TNRC6A: variants seen among roughly 807,000 people sequenced by gnomAD.
TNRC6A encodes the protein trinucleotide repeat-containing gene 6A protein.
In TNRC6A, 44 loss-of-function variants were observed where a neutral mutation model predicts 221.2. That is an observed-to-expected ratio of 0.20 (90% confidence interval 0.16 to 0.26). The LOEUF is 0.26. Among genes scored for constraint, TNRC6A ranks in the 10% least tolerant of loss-of-function variants. The pLI, the probability that TNRC6A is intolerant of heterozygous loss-of-function variation, is 1.00. For missense variants in TNRC6A, 2,199 were observed against 2,404.4 expected (o/e 0.91, Z 1.79); for synonymous variants, 847 against 838.5 (o/e 1.01, Z -0.18).
chr16:24,725,667 C>T (rs781021710), upstream of TNRC6A, among the ~76,000 whole-genome samples: 2 of 151,640 alleles, frequency 1.3e-5, no homozygotes, highest in African/African-American at 2.4e-5. Context: ...CTTCTGTGCA[C>T]TTGCCATAGT....
chr16:24,681,946 G>C (rs766854687), intron 2 of TNRC6A, among the ~76,000 whole-genome samples: 5 of 152,142 alleles, frequency 3.3e-5, no homozygotes, highest in Non-Finnish European at 5.9e-5. Context: ...TATTTAGCTT[G>C]TACTATATTA....
chr16:24,659,583 C>A (rs1044823085), intron 2 of TNRC6A, among the ~76,000 whole-genome samples: 1 of 152,184 alleles, frequency 6.6e-6, no homozygotes, highest in Non-Finnish European at 1.5e-5. Context: ...GCTGGAACTA[C>A]AGGTGTGCAC....
At chr16:24,770,540 AG>A (rs2057569089) in intron 4 of TNRC6A, among the ~76,000 whole-genome samples, 2 of 152,188 alleles carry the variant, frequency 1.3e-5, no homozygotes, top group South Asian at 4.1e-4. Context: ...GACTAGATAC[AG>A]GGGAGTAGGG....
chr16:24,763,629 A>T (rs112666488), intron 4 of TNRC6A, among the ~76,000 whole-genome samples: 1 of 152,232 alleles, frequency 6.6e-6, no homozygotes, highest in Non-Finnish European at 1.5e-5. Flanking sequence ...TCATAAAGTG[A>T]CATTATTTCC....
At chr16:24,740,266 A>T (rs573191815) in intron 2 of TNRC6A, among the ~76,000 whole-genome samples, 168 of 152,272 alleles carry the variant, frequency 1.1e-3, no homozygotes, top group Admixed American at 1.2e-3. Context: ...TTAAAAAAAA[A>T]TTTTTTTAAA....
At chr16:24,766,804 G>C (rs148762511) in intron 4 of TNRC6A, among the ~76,000 whole-genome samples, 5 of 151,306 alleles carry the variant, frequency 3.3e-5, no homozygotes, top group African/African-American at 1.2e-4. Context: ...AGCCTCCTGA[G>C]TAGCTGGGAT....
intron 6 of TNRC6A, among the ~76,000 whole-genome samples, chr16:24,792,785 A>ATTT (rs34453471): frequency 1.1e-4 from 13 of 120,426 alleles, no homozygotes; most frequent in African/African-American, 3.6e-4. Flanking sequence ...TTGTGGCACA[A>ATTT]TTTTTTTTTT....
chr16:24,648,171 G>C (rs1447281100), intron 2 of TNRC6A, among the ~76,000 whole-genome samples: 1 of 151,778 alleles, frequency 6.6e-6, no homozygotes, highest in Non-Finnish European at 1.5e-5. Flanking sequence ...GCATCTATTT[G>C]AGTTCCTGCT....
intron 22 of TNRC6A, among the ~76,000 whole-genome samples, chr16:24,821,002 C>G (rs988299905): frequency 6.6e-6 from 1 of 152,204 alleles, no homozygotes; most frequent in Non-Finnish European, 1.5e-5. Context: ...TTCCCATCTT[C>G]AAGCTGAAAA....
chr16:24,807,420 GGGAA>G (rs1312789271), intron 17 of TNRC6A, among the ~76,000 whole-genome samples: 2 of 152,188 alleles, frequency 1.3e-5, no homozygotes, highest in African/African-American at 4.8e-5. Flanking sequence ...TATTAAGGGT[GGGAA>G]GGAAGGCTGA....
chr16:24,720,624 G>A (rs954033390), intron 2 of TNRC6A, among the ~76,000 whole-genome samples: 51 of 146,878 alleles, frequency 3.5e-4, no homozygotes, highest in Non-Finnish European at 4.3e-4. Flanking sequence ...CTGGGAGGCA[G>A]AGGTTGCAGT....
chr16:24,659,962 A>AT (rs1015095390), intron 2 of TNRC6A, among the ~76,000 whole-genome samples: 6 of 152,060 alleles, frequency 3.9e-5, no homozygotes, highest in East Asian at 1.9e-4. Context: ...TTTATTTTTA[A>AT]TTTTTTTATC....
At chr16:24,710,418 G>A (rs966501397) in intron 2 of TNRC6A, among the ~76,000 whole-genome samples, 3 of 152,094 alleles carry the variant, frequency 2.0e-5, no homozygotes, top group Non-Finnish European at 2.9e-5. Flanking sequence ...GACCAGCCTG[G>A]GCAACATAGA....
intron 1 of TNRC6A, among the ~76,000 whole-genome samples, chr16:24,624,355 A>C (rs541202887): frequency 2.4e-4 from 37 of 152,316 alleles, no homozygotes; most frequent in African/African-American, 8.7e-4. Flanking sequence ...AGAGGGCATG[A>C]ATACAAGGAG....
chr16:24,638,481 G>A (rs548429557), intron 1 of TNRC6A, among the ~76,000 whole-genome samples: 18 of 152,288 alleles, frequency 1.2e-4, no homozygotes. Context: ...GGGAGGCCGA[G>A]GCAGGCGGAT....
chr16:24,632,958 G>A (rs916183705), intron 1 of TNRC6A, among the ~76,000 whole-genome samples: 15 of 149,010 alleles, frequency 1.0e-4, no homozygotes, highest in South Asian at 2.1e-4. Context: ...GCAGTGAGTC[G>A]AGATTGCGCC....
intron 2 of TNRC6A, among the ~76,000 whole-genome samples, chr16:24,688,379 G>T (rs182857449): frequency 5.7e-4 from 87 of 152,264 alleles, no homozygotes; most frequent in Middle Eastern, 6.8e-3. Flanking sequence ...GAATGAGATG[G>T]TGTCCTCTCA....
At position 24,824,126 on chromosome 16, in the gene TNRC6A, A is replaced by ACCCCCCCCCC. The variant is rs55802473; in HGVS notation, c.*321_*330dup. 1 of 25,978 alleles carries ACCCCCCCCCC rather than the reference A, an allele frequency of 3.8e-5. No individual in the cohort carries two copies. The highest frequency in any genetic ancestry group is 1.4e-4 in the African/African-American group (1 of 7,240). The allele number at this position is 25,978 out of a possible 1,614,324, so 1.6% of individuals were successfully genotyped here. A position where few individuals can be genotyped will look rare whatever the true frequency, so the allele number is the denominator to read the frequency against. On this transcript the variant is annotated 3_prime_UTR_variant, in exon 25 of 25. Transcript: ENST00000395799. ...TTTTTTTTCCTTCTATTCCTCCCCA[A>ACCCCCCCCCC]CCCCCCCCCCCGCCCCTTTTTTTCT...
At chr16:24,692,098 G>C (rs776311351) in intron 2 of TNRC6A, among the ~76,000 whole-genome samples, 4 of 152,130 alleles carry the variant, frequency 2.6e-5, no homozygotes, top group Non-Finnish European at 5.9e-5. Flanking sequence ...TTTGACCATT[G>C]GGTCTCTAAC....
Sources: gnomAD v4.1 joint callset for allele counts (sites outside exome capture counted in the v4.1 genomes callset) on GRCh38, gnomAD v4.1.1 for gene constraint, MANE v1.5 for transcripts, NCBI Gene and HGNC (gene_info 2026-07-23, HGNC 2026-07-21) for gene names.